The following ERBB4 variants were observed in gnomAD, a reference collection of about 807,000 sequenced individuals.
ERBB4 encodes receptor tyrosine-protein kinase erbB-4.
A neutral mutation model predicts 158.0 loss-of-function variants in ERBB4; 42 were observed. The ratio of observed to expected loss-of-function variants is 0.27; its 90% confidence interval spans 0.21 to 0.34. The LOEUF (loss-of-function observed/expected upper bound fraction) is 0.34. Among genes scored for constraint, ERBB4 ranks in the 10% least tolerant of loss-of-function variants. The pLI is 1.00. For synonymous variants in ERBB4, 583 were observed against 558.7 expected, an observed-to-expected ratio of 1.04 and a Z score of -0.61; for missense variants, 1,333 against 1,624.1, an observed-to-expected ratio of 0.82 and a Z score of 3.08.
chr2:212,213,672 T>C (rs1009107012), intron 1 of ERBB4, among the ~76,000 whole-genome samples: 9 of 151,880 alleles, frequency 5.9e-5, no homozygotes, highest in Admixed American at 5.3e-4. Context: ...TCATTCAATT[T>C]CTTAAGTCAA....
chr2:212,066,548 T>C (rs931030770), intron 2 of ERBB4, among the ~76,000 whole-genome samples: 4 of 152,026 alleles, frequency 2.6e-5, no homozygotes, highest in African/African-American at 9.7e-5. Flanking sequence ...GTTATTAATA[T>C]GTGTTTCAGA....
chr2:212,145,711 A>C (rs2080643513), intron 1 of ERBB4, among the ~76,000 whole-genome samples: 2 of 137,642 alleles, frequency 1.5e-5, no homozygotes, highest in African/African-American at 5.5e-5. Context: ...CACGGAGTGA[A>C]GCAGCCAGCA....
At chr2:211,472,145 T>A (rs2064842766) in intron 20 of ERBB4, among the ~76,000 whole-genome samples, 1 of 151,964 alleles carries the variant, frequency 6.6e-6, no homozygotes. Flanking sequence ...GACAGACAAG[T>A]GTGAAGGTTG....
intron 17 of ERBB4, among the ~76,000 whole-genome samples, chr2:211,626,874 G>A (rs940422506): frequency 2.6e-5 from 4 of 151,472 alleles, no homozygotes; most frequent in African/African-American, 9.7e-5. Context: ...GCAGTGAGCC[G>A]AGATCGCGCC....
chr2:211,451,581 T>C (rs559645536), intron 20 of ERBB4, among the ~76,000 whole-genome samples: 6 of 152,026 alleles, frequency 3.9e-5, no homozygotes, highest in Non-Finnish European at 7.4e-5. Flanking sequence ...AGCCCAACTA[T>C]TCCTAGCTAG....
intron 19 of ERBB4, among the ~76,000 whole-genome samples, chr2:211,570,871 GTCA>G (rs2067704413): frequency 6.6e-6 from 1 of 151,906 alleles, no homozygotes; most frequent in Non-Finnish European, 1.5e-5. Context: ...TCTGGAAAAT[GTCA>G]TCAAATACCT....
chr2:211,941,011 T>C (rs1239108176), intron 3 of ERBB4, among the ~76,000 whole-genome samples: 1 of 152,158 alleles, frequency 6.6e-6, no homozygotes, highest in East Asian at 1.9e-4. Context: ...CTGGTATTAA[T>C]ACATTATTGG....
chr2:211,966,662 T>C (rs2081319402), intron 2 of ERBB4, among the ~76,000 whole-genome samples: 1 of 152,188 alleles, frequency 6.6e-6, no homozygotes, highest in South Asian at 2.1e-4. Flanking sequence ...TACCATTACA[T>C]GTTTATTTTT....
At chr2:211,768,930 C>A (rs1344130148) in intron 4 of ERBB4, among the ~76,000 whole-genome samples, 1 of 152,198 alleles carries the variant, frequency 6.6e-6, no homozygotes, top group Non-Finnish European at 1.5e-5. Flanking sequence ...TTTTCTATTG[C>A]ATTATCAGCC....
At chr2:212,352,951 A>G (rs914324903) in intron 1 of ERBB4, among the ~76,000 whole-genome samples, 1 of 152,092 alleles carries the variant, frequency 6.6e-6, no homozygotes, top group Non-Finnish European at 1.5e-5. Flanking sequence ...TTCATGGGCA[A>G]ATTAAATCAC....
intron 4 of ERBB4, among the ~76,000 whole-genome samples, chr2:211,772,924 C>CACACACACACACATAT (rs1181682464): frequency 1.1e-4 from 4 of 36,738 alleles, no homozygotes; most frequent in African/African-American, 5.9e-4. Flanking sequence ...CACACACACA[C>CACACACACACACATAT]ATATATATAT....
intron 2 of ERBB4, among the ~76,000 whole-genome samples, chr2:212,007,162 A>G (rs1486955685): frequency 1.3e-5 from 2 of 151,958 alleles, no homozygotes; most frequent in African/African-American, 4.8e-5. Context: ...CAAAACCTTC[A>G]ATGAACAGAG....
intron 3 of ERBB4, among the ~76,000 whole-genome samples, chr2:211,914,711 T>C (rs1016322915): frequency 1.3e-5 from 2 of 152,122 alleles, no homozygotes; most frequent in Admixed American, 6.6e-5. Flanking sequence ...AAATATACTT[T>C]AAGAGTAACA....
intron 5 of ERBB4, among the ~76,000 whole-genome samples, chr2:211,733,946 G>A (rs1238266821): frequency 1.4e-5 from 2 of 147,316 alleles, no homozygotes; most frequent in Non-Finnish European, 2.9e-5. Flanking sequence ...CCAGGCAGAG[G>A]AAGGAGAATC....
chr2:212,294,287 A>C (rs2086328361), intron 1 of ERBB4, among the ~76,000 whole-genome samples: 1 of 152,058 alleles, frequency 6.6e-6, no homozygotes, highest in Non-Finnish European at 1.5e-5. Flanking sequence ...ATTTTATTTG[A>C]AATAGTAAAT....
intron 1 of ERBB4, among the ~76,000 whole-genome samples, chr2:212,203,350 A>T (rs1262143052): frequency 6.6e-6 from 1 of 152,108 alleles, no homozygotes; most frequent in Non-Finnish European, 1.5e-5. Flanking sequence ...TAAGGCAGAA[A>T]CATGCCTGCC....
chr2:212,483,929 A>G (rs1575005929), intron 1 of ERBB4, among the ~76,000 whole-genome samples: 1 of 151,936 alleles, frequency 6.6e-6, no homozygotes, highest in Non-Finnish European at 1.5e-5. Flanking sequence ...ATAGAGACGG[A>G]GTTTCACCGT....
At chr2:212,265,121 G>A (rs2085082821) in intron 1 of ERBB4, among the ~76,000 whole-genome samples, 1 of 152,072 alleles carries the variant, frequency 6.6e-6, no homozygotes, top group South Asian at 2.1e-4. Context: ...CAGTGCTCAG[G>A]ACACTACACT....
At chr2:211,711,208 C>T (rs913282843) in intron 9 of ERBB4, among the ~76,000 whole-genome samples, 3 of 151,982 alleles carry the variant, frequency 2.0e-5, no homozygotes, top group Non-Finnish European at 4.4e-5. Context: ...TTCTATTGTT[C>T]TTGCCATTCC....
Sources: allele counts gnomAD v4.1 joint callset (sites outside exome capture counted in the v4.1 genomes callset), GRCh38; gene constraint gnomAD v4.1.1; transcripts MANE v1.5; gene names NCBI Gene and HGNC (gene_info 2026-07-23, HGNC 2026-07-21).